SPC25: variants seen among roughly 807,000 people sequenced by gnomAD.
SPC25 encodes SPC25 component of NDC80 kinetochore complex, also known as kinetochore protein Spc25.
Under a neutral mutation model 29.6 loss-of-function variants are expected in SPC25, and 22 were observed. The observed-to-expected ratio is 0.74, with a 90% CI of 0.53 to 1.06. The LOEUF (loss-of-function observed/expected upper bound fraction) is 1.06. SPC25 is among the 50% of genes least tolerant of loss of function. SPC25 has a pLI of 0.00. For missense variants in SPC25, 230 were observed against 255.8 expected (o/e 0.90, Z 0.69); for synonymous variants, 91 against 90.4 (o/e 1.01, Z -0.04).
At chr2:168,874,542 A>T (rs1244129334) in intron 5 of SPC25, among the ~76,000 whole-genome samples, 1 of 152,176 alleles carries the variant, frequency 6.6e-6, no homozygotes, top group African/African-American at 2.4e-5. Flanking sequence ...CAGCCATAAA[A>T]TGGAATGAAC....
At chr2:168,867,203 T>C (rs1232233093), downstream of SPC25, among the ~76,000 whole-genome samples, 2 of 152,046 alleles carry the variant, frequency 1.3e-5, no homozygotes, top group African/African-American at 4.8e-5. Flanking sequence ...CTATTCACAA[T>C]AGCAAAGACT....
At chr2:168,863,690 GC>G in intron 4 of SPC25, 10 of 981,134 alleles carry the variant, frequency 1.0e-5, no homozygotes, top group Non-Finnish European at 1.2e-5. Flanking sequence ...TAAACTTTTG[GC>G]CTGTGAAATC....
intron 3 of SPC25, among the ~76,000 whole-genome samples, chr2:168,883,872 G>A (rs1690216607): frequency 6.6e-6 from 1 of 151,744 alleles, no homozygotes; most frequent in Non-Finnish European, 1.5e-5. Flanking sequence ...CTGGGTTCAA[G>A]CAATTCTCCT....
intron 3 of SPC25, among the ~76,000 whole-genome samples, chr2:168,882,134 G>T (rs71430651): frequency 6.6e-6 from 1 of 152,190 alleles, no homozygotes; most frequent in African/African-American, 2.4e-5. Context: ...ACAAACGTTG[G>T]CAGTTAGGAA....
intron 3 of SPC25, among the ~76,000 whole-genome samples, chr2:168,882,212 A>G (rs1414202714): frequency 6.6e-6 from 1 of 152,268 alleles, no homozygotes; most frequent in African/African-American, 2.4e-5. Flanking sequence ...CAGTGCCGAA[A>G]TCCAAAATAA....
chr2:168,864,301 G>C (rs1288482304), intron 4 of SPC25, among the ~76,000 whole-genome samples: 4 of 144,056 alleles, frequency 2.8e-5, no homozygotes, highest in African/African-American at 1.0e-4. Context: ...TTTTTTCTGA[G>C]ACAGAGTCTT....
At chr2:168,877,806 A>G (rs1690114403) in intron 3 of SPC25, among the ~76,000 whole-genome samples, 1 of 152,058 alleles carries the variant, frequency 6.6e-6, no homozygotes, top group South Asian at 2.1e-4. Context: ...ATCACTACTC[A>G]TTGCAGCCTC....
intron 4 of SPC25, among the ~76,000 whole-genome samples, chr2:168,865,814 T>C (rs571586830): frequency 6.9e-6 from 1 of 145,462 alleles, no homozygotes; most frequent in South Asian, 2.3e-4. Flanking sequence ...CAAGCATTCT[T>C]ATATACACCA....
At chr2:168,864,914 G>T (rs745319752) in intron 4 of SPC25, 1 of 1,614,098 alleles carries the variant, frequency 6.2e-7, no homozygotes, top group Non-Finnish European at 8.5e-7. Flanking sequence ...CCATTTTCCT[G>T]CCGCTTATGT....
At chr2:168,864,730 A>C (rs1689745780) in intron 4 of SPC25, 4 of 1,342,262 alleles carry the variant, frequency 3.0e-6, no homozygotes, top group Non-Finnish European at 4.1e-6. Flanking sequence ...AAATGACACT[A>C]CCAAGTAAAT....
chr2:168,879,702 A>T (rs1194587534), intron 3 of SPC25, among the ~76,000 whole-genome samples: 1 of 152,216 alleles, frequency 6.6e-6, no homozygotes, highest in African/African-American at 2.4e-5. Context: ...TTTCTCTGGA[A>T]GGTTTTCAAT....
chr2:168,862,038 A>T (rs1689489048), intron 4 of SPC25: 2 of 1,613,948 alleles, frequency 1.2e-6, no homozygotes, highest in African/African-American at 2.7e-5. Context: ...GATGAGTTGA[A>T]TTTGGAAAAG....
intron 6 of SPC25, among the ~76,000 whole-genome samples, chr2:168,872,835 T>C (rs1027128681): frequency 6.6e-6 from 1 of 152,022 alleles, no homozygotes. Context: ...TCCCCAGAAA[T>C]AGGAACTGAG....
At chr2:168,862,147 C>A in intron 4 of SPC25, 1 of 1,047,510 alleles carries the variant, frequency 9.5e-7, no homozygotes, top group Non-Finnish European at 1.5e-6. Context: ...AGAGTTACTA[C>A]CATGTCAAAT....
At chr2:168,886,585 T>C (rs1302969028) in intron 3 of SPC25, among the ~76,000 whole-genome samples, 2 of 151,718 alleles carry the variant, frequency 1.3e-5, no homozygotes, top group East Asian at 3.9e-4. Flanking sequence ...AGTGGCGCGA[T>C]CTGGGCTCAC....
At chr2:168,863,471 C>CAGATGATCCTGAA in intron 4 of SPC25, 12 of 985,188 alleles carry the variant, frequency 1.2e-5, no homozygotes, top group Non-Finnish European at 1.4e-5. Context: ...CTGACGGGGG[C>CAGATGATCCTGAA]AGATGATCCT....
In SPC25 at chr2:168,889,501, C is replaced by G; in HGVS notation, c.19G>C (p.Ala7Pro). The change falls in exon 2 of 7, where the codon GCA (alanine) becomes CCA (proline). Residue 7 changes from alanine to proline, a missense_variant. Transcript: ENST00000282074. MVEDEL[A>P]LFDKSINEFW... Reference sequence around the variant, plus strand: ...TCATTTATGCTTTTATCGAAAAGTGCCAGTTCGTCCTCTACCATTATGTAG... The same window carrying G: ...TCATTTATGCTTTTATCGAAAAGTGGCAGTTCGTCCTCTACCATTATGTAG... The G allele has an allele frequency of 6.2e-7, 1 of 1,613,602 alleles. No individual in the cohort carries two copies. The highest frequency in any genetic ancestry group is 8.5e-7 in the Non-Finnish European group (1 of 1,179,862).
intron 3 of SPC25, among the ~76,000 whole-genome samples, chr2:168,886,040 C>T (rs907917284): frequency 4.7e-5 from 7 of 147,698 alleles, no homozygotes; most frequent in South Asian, 2.1e-4. Context: ...ATTCTAACAA[C>T]GAATACAATC....
At chr2:168,864,153 A>G (rs1472951648) in intron 4 of SPC25, among the ~76,000 whole-genome samples, 1 of 151,954 alleles carries the variant, frequency 6.6e-6, no homozygotes, top group African/African-American at 2.4e-5. Context: ...TTTTTAGTAG[A>G]GACGGGGTTT....
Sources: allele counts gnomAD v4.1 joint callset (sites outside exome capture counted in the v4.1 genomes callset), GRCh38; gene constraint gnomAD v4.1.1; transcripts MANE v1.5; gene names NCBI Gene and HGNC (gene_info 2026-07-23, HGNC 2026-07-21).